The following FMN1 variants were observed in gnomAD, a reference collection of about 807,000 sequenced individuals.
The protein encoded by FMN1 is formin-1.
FMN1 carries 110 observed loss-of-function variants against 132.4 expected under a neutral mutation model. The ratio of observed to expected loss-of-function variants is 0.83; its 90% CI spans 0.71 to 0.97. The LOEUF (loss-of-function observed/expected upper bound fraction) is 0.97, where lower values mean the gene tolerates loss of function less well. Among genes scored for constraint, FMN1 ranks in the 50% least tolerant of loss-of-function variants. The pLI, the probability that FMN1 is intolerant of heterozygous loss-of-function variation, is 0.00. For missense variants in FMN1, 1,792 were observed against 1,705.3 expected (o/e 1.05, Z -0.90); for synonymous variants, 722 against 651.7 (o/e 1.11, Z -1.64).
chr15:33,002,876 T>C (rs1435845845), intron 7 of FMN1, among the ~76,000 whole-genome samples: 2 of 152,220 alleles, frequency 1.3e-5, no homozygotes, highest in Non-Finnish European at 2.9e-5. Flanking sequence ...CTGTGACTGC[T>C]AGAATAGTTT....
At chr15:33,174,545 TA>T (rs1461579721) in intron 3 of FMN1, among the ~76,000 whole-genome samples, 1 of 152,230 alleles carries the variant, frequency 6.6e-6, no homozygotes, top group African/African-American at 2.4e-5. Flanking sequence ...CTCCAAATCA[TA>T]AATTTTTCGT....
chr15:32,805,822 G>A (rs2057660112), intron 17 of FMN1, among the ~76,000 whole-genome samples: 1 of 152,110 alleles, frequency 6.6e-6, no homozygotes, highest in Non-Finnish European at 1.5e-5. Context: ...CACACCCACA[G>A]GCCCTTTTGG....
rs370019638 is a variant in FMN1, at chr15:32,968,983, C to A, written c.2718G>T (p.Pro906=). ...GAGGTAGAGGTGGCGGTGGAGGAGG[C>A]GGAGGTGGTAGCGGTGGCCCAGCAC... ...PVSAGPPLPP[P]PPPPPPLPPP... Residue 906 remains proline, a synonymous_variant, in exon 8 of 21, where the codon CCG becomes CCT. Transcript: ENST00000616417. 2 of 999,496 alleles carry A rather than the reference C, an allele frequency of 2.0e-6. No individual in the cohort carries two copies. The highest frequency in any genetic ancestry group is 2.5e-5 in the Admixed American group (1 of 40,066). The allele number at this position is 999,496 out of a possible 1,614,324, so 61.9% of individuals were successfully genotyped here. A position where few individuals can be genotyped will look rare whatever the true frequency, so the allele number is the denominator to read the frequency against.
At chr15:32,949,650 T>C (rs2061581723) in intron 9 of FMN1, among the ~76,000 whole-genome samples, 1 of 151,500 alleles carries the variant, frequency 6.6e-6, no homozygotes, top group African/African-American at 2.4e-5. Flanking sequence ...CACAGGCAAA[T>C]ATTTCATGAT....
intron 4 of FMN1, among the ~76,000 whole-genome samples, chr15:33,132,006 C>T (rs989398793): frequency 3.9e-5 from 6 of 152,052 alleles, no homozygotes; most frequent in Non-Finnish European, 8.8e-5. Context: ...GGAAGTGCCC[C>T]GAAATGACCT....
intron 17 of FMN1, among the ~76,000 whole-genome samples, chr15:32,840,872 G>C (rs16959625): frequency 6.6e-6 from 1 of 152,150 alleles, no homozygotes; most frequent in Non-Finnish European, 1.5e-5. Flanking sequence ...TGGGAGAATC[G>C]TTGTTTAAAG....
At chr15:33,100,039 A>G (rs1164569730) in intron 4 of FMN1, among the ~76,000 whole-genome samples, 2 of 152,160 alleles carry the variant, frequency 1.3e-5, no homozygotes, top group Non-Finnish European at 2.9e-5. Flanking sequence ...TGTCCAAAAG[A>G]GGAATGCTTC....
chr15:32,986,580 G>C (rs1054859716), intron 7 of FMN1, among the ~76,000 whole-genome samples: 6 of 151,984 alleles, frequency 3.9e-5, no homozygotes, highest in African/African-American at 1.4e-4. Context: ...TATAAATCTA[G>C]AGTGCTCAAT....
At chr15:32,947,420 C>G (rs974652518) in intron 9 of FMN1, among the ~76,000 whole-genome samples, 5 of 152,028 alleles carry the variant, frequency 3.3e-5, no homozygotes, top group African/African-American at 1.2e-4. Flanking sequence ...TATAGCCACT[C>G]TACTAGCTCT....
At chr15:32,951,596 C>T (rs529013030) in intron 9 of FMN1, among the ~76,000 whole-genome samples, 2 of 152,244 alleles carry the variant, frequency 1.3e-5, no homozygotes, top group South Asian at 2.1e-4. Context: ...GAGGATGTTT[C>T]ATTATTCTTA....
rs375940674 is a variant in FMN1, at chr15:33,018,512, A to C, written c.2162-10437T>G. Among the ~76,000 whole-genome samples, 16 of 152,312 alleles carry C rather than the reference A, an allele frequency of 1.1e-4. No individual in the cohort carries two copies. In the East Asian group the frequency reaches 2.1e-3, roughly 20 times the overall value. Reference sequence around the variant, plus strand: ...GAGAACCCAAGAGGACTGGGTTCAGAAACCTTCTGGACAGCTGAACACGAA... The same window carrying C: ...GAGAACCCAAGAGGACTGGGTTCAGCAACCTTCTGGACAGCTGAACACGAA... On this transcript the variant is annotated intron_variant, in intron 6 of 20. Transcript: ENST00000616417.
chr15:33,075,597 G>A (rs2038177328), intron 5 of FMN1, among the ~76,000 whole-genome samples: 1 of 152,124 alleles, frequency 6.6e-6, no homozygotes, highest in Non-Finnish European at 1.5e-5. Context: ...TGCATAAGGT[G>A]ACAAAGTTTG....
intron 16 of FMN1, among the ~76,000 whole-genome samples, chr15:32,868,962 A>G (rs1385729219): frequency 1.3e-5 from 2 of 152,200 alleles, no homozygotes; most frequent in Non-Finnish European, 2.9e-5. Flanking sequence ...AACGCTGGGT[A>G]TAGGCCTCTA....
In FMN1 at chr15:33,106,960, A is replaced by C. The variant is rs532510355; in HGVS notation, c.1868-17986T>G. On this transcript the variant is annotated intron_variant, in intron 4 of 20. Transcript: ENST00000616417. The stretch of plus-strand genomic sequence containing the variant: ...CTCAGCTCTAGTGACTTCCAAATTA[A>C]TGTATCTGGCCATAAGCTCTCGCCC... 4.6e-5 allele frequency among the ~76,000 whole-genome samples: 7 copies of C among 152,120 alleles called. No individual in the cohort carries two copies. In the East Asian group the frequency reaches 1.4e-3, roughly 30 times the overall value.
At chr15:32,816,309 T>C (rs1421638230) in intron 17 of FMN1, among the ~76,000 whole-genome samples, 2 of 152,128 alleles carry the variant, frequency 1.3e-5, no homozygotes, top group African/African-American at 4.8e-5. Flanking sequence ...AAATAAAGAA[T>C]ATAAAGCAGT....
intron 7 of FMN1, among the ~76,000 whole-genome samples, chr15:32,981,280 A>T (rs768535946): frequency 1.4e-4 from 21 of 152,046 alleles, no homozygotes; most frequent in Non-Finnish European, 2.8e-4. Context: ...TCATGAGGTC[A>T]GGAGATTGAG....
chr15:32,926,868 T>C (rs1190042468), intron 9 of FMN1, among the ~76,000 whole-genome samples: 1 of 152,206 alleles, frequency 6.6e-6, no homozygotes, highest in Admixed American at 6.5e-5. Flanking sequence ...TGTCTCAGCC[T>C]TGACCTCCTG....
At chr15:33,109,428 G>A (rs1595490247) in intron 4 of FMN1, among the ~76,000 whole-genome samples, 2 of 151,964 alleles carry the variant, frequency 1.3e-5, no homozygotes, top group African/African-American at 4.8e-5. Flanking sequence ...AGCAAAGACA[G>A]GGAATCAACC....
intron 6 of FMN1, among the ~76,000 whole-genome samples, chr15:33,028,793 A>G (rs2035799523): frequency 6.6e-6 from 1 of 152,228 alleles, no homozygotes; most frequent in African/African-American, 2.4e-5. Flanking sequence ...CAGATGCCCC[A>G]GTCTGAGGCT....
Sources: allele counts gnomAD v4.1 joint callset (sites outside exome capture counted in the v4.1 genomes callset), GRCh38; gene constraint gnomAD v4.1.1; transcripts MANE v1.5; gene names NCBI Gene and HGNC (gene_info 2026-07-23, HGNC 2026-07-21).